FRY: variants seen among roughly 807,000 people sequenced by gnomAD.
The protein encoded by FRY is protein furry homolog.
FRY carries 128 observed loss-of-function variants against 348.4 expected under a neutral mutation model. The ratio of observed to expected loss-of-function variants is 0.37; its 90% confidence interval spans 0.32 to 0.43. The LOEUF (loss-of-function observed/expected upper bound fraction) is 0.43. Among genes scored for constraint, FRY ranks in the 20% least tolerant of loss-of-function variants. The pLI, the probability that FRY is intolerant of heterozygous loss-of-function variation, is 1.00. For missense variants in FRY, 2,736 were observed against 3,695.2 expected (o/e 0.74, Z 6.73); for synonymous variants, 1,370 against 1,374.7 (o/e 1.00, Z 0.08).
chr13:32,186,164 T>C (rs1883015689), intron 26 of FRY, 96 bp from the exon 27 acceptor site: 1 of 946,926 alleles, frequency 1.1e-6, no homozygotes, highest in Non-Finnish European at 1.7e-6. Flanking sequence ...AGTTAAAAAA[T>C]GAAGTGGTTC....
intron 15 of FRY, 100 bp from the exon 16 acceptor site, chr13:32,157,173 C>A (rs1437901170): frequency 8.9e-7 from 1 of 1,117,848 alleles, no homozygotes; most frequent in Non-Finnish European, 1.4e-6. Flanking sequence ...AAGTCATTGA[C>A]TCATAAGGTC....
Position 32,202,399 on chromosome 13 carries a change from A to C in FRY, c.3890A>C (p.Glu1297Ala). The change falls in exon 31 of 61, where the codon GAG becomes GCG. Residue 1297 changes from glutamate (E) to alanine (A), a missense_variant. By Grantham distance (107) the Glu-to-Ala change is moderately radical (BLOSUM62 -1). Around this residue, in one of 9 missense-constraint regions of FRY, gnomAD observed 794 missense variants for 977.0 expected, o/e 0.81. Coordinates refer to ENST00000542859, the MANE Select transcript of FRY (RefSeq NM_023037.3). The stretch of plus-strand genomic sequence containing the variant: ...TTTGTATACTCAAAGAAAGTCGCTG[A>C]GCAAAGACCGGGAAGTATTCTCTAT... ...KLFVYSKKVA[E>A]QRPGSILYGT... is the part of the protein sequence containing the mutation. 1 of 1,614,092 alleles carries C rather than the reference A, an allele frequency of 6.2e-7. No homozygotes were observed. Among genetic ancestry groups the C allele is most frequent in the Non-Finnish European group, 8.5e-7 (1 of 1,179,998 alleles).
At chr13:32,182,847 C>G (rs1021890222) in intron 23 of FRY, 130 bp from the exon 24 acceptor site, 2 of 664,816 alleles carry the variant, frequency 3.0e-6, no homozygotes, top group African/African-American at 3.6e-5. Flanking sequence ...ATGGAGAGAT[C>G]AGGGAGATTG....
intron 1 of FRY, among the ~76,000 whole-genome samples, chr13:32,066,387 A>G (rs1222846144): frequency 2.0e-5 from 3 of 152,180 alleles, no homozygotes; most frequent in Non-Finnish European, 4.4e-5. Flanking sequence ...TTATACTCCA[A>G]AGTCATTTCT....
At chr13:32,258,995 A>G (rs548914800) in intron 51 of FRY, among the ~76,000 whole-genome samples, 6 of 152,322 alleles carry the variant, frequency 3.9e-5, no homozygotes, top group Non-Finnish European at 8.8e-5. Flanking sequence ...AGTATTTCTA[A>G]CATTTATAGA....
chr13:32,251,060 A>C (rs1169126259), intron 49 of FRY, among the ~76,000 whole-genome samples: 4 of 152,214 alleles, frequency 2.6e-5, no homozygotes, highest in Non-Finnish European at 5.9e-5. Flanking sequence ...TAAGAAGAAA[A>C]ATCTAAGAGT....
rs747125279 is a variant in FRY, at chr13:32,295,582, T to C, written c.*122T>C. 2.7e-4 allele frequency: 244 copies of C among 914,712 alleles called. No homozygotes were observed. Among genetic ancestry groups the C allele is most frequent in the South Asian group, 3.6e-4 (26 of 72,206 alleles). The allele number at this position is 914,712 out of a possible 1,614,324, so 56.7% of individuals were successfully genotyped here. On this transcript the variant is annotated 3_prime_UTR_variant, in exon 61 of 61. Coordinates refer to ENST00000542859, the MANE Select transcript of FRY (RefSeq NM_023037.3). The stretch of plus-strand genomic sequence containing the variant: ...AGACTGTTCTCCCTCTTGTTACCTG[T>C]AGGGCTTTTTCTAAAGAGGATGGCA...
chr13:32,277,515 C>G (rs959802689), intron 57 of FRY, among the ~76,000 whole-genome samples: 6 of 152,194 alleles, frequency 3.9e-5, no homozygotes, highest in African/African-American at 1.4e-4. Context: ...TAGCTAGGAA[C>G]TGGAAGAGTG....
chr13:32,092,991 G>GT (rs1195390269), intron 2 of FRY, among the ~76,000 whole-genome samples: 2 of 152,074 alleles, frequency 1.3e-5, no homozygotes, highest in Non-Finnish European at 2.9e-5. Context: ...TTGTTTGTTT[G>GT]TTTTTTCTAA....
chr13:32,171,558 C>T (rs147474459), intron 18 of FRY, among the ~76,000 whole-genome samples: 2 of 152,042 alleles, frequency 1.3e-5, no homozygotes, highest in Non-Finnish European at 2.9e-5. Flanking sequence ...GTGATCCTCC[C>T]GTCTCAGCCT....
rs1280981961 is a variant in FRY at position 32,157,263 on chromosome 13, T to C, written c.1652-10T>C. ...CAGTTGAAGGTATAACTATAATGCATGTTTTTCAGGCATGTCCTTATATTA... is the reference window on the plus strand; with the variant it reads ...CAGTTGAAGGTATAACTATAATGCACGTTTTTCAGGCATGTCCTTATATTA... On this transcript the variant is annotated splice_polypyrimidine_tract_variant and intron_variant, in intron 15 of 60. Coordinates refer to ENST00000542859, the MANE Select transcript of FRY (RefSeq NM_023037.3). 2 of 1,609,112 alleles carry C rather than the reference T, an allele frequency of 1.2e-6. No individual in the cohort carries two copies. Among genetic ancestry groups the C allele is most frequent in the African/African-American group, 2.7e-5 (2 of 74,830 alleles).
intron 40 of FRY, among the ~76,000 whole-genome samples, chr13:32,228,946 G>A (rs1885762812): frequency 6.6e-6 from 1 of 152,204 alleles, no homozygotes; most frequent in African/African-American, 2.4e-5. Context: ...GGAGATGGTA[G>A]TGCCCCACAG....
At chr13:32,169,357 C>A (rs920500734) in intron 17 of FRY, among the ~76,000 whole-genome samples, 1 of 152,210 alleles carries the variant, frequency 6.6e-6, no homozygotes, top group African/African-American at 2.4e-5. Flanking sequence ...CTAATAATAG[C>A]TAACGTTACT....
At chr13:32,151,617 C>T (rs1880798806) in intron 14 of FRY, among the ~76,000 whole-genome samples, 1 of 152,230 alleles carries the variant, frequency 6.6e-6, no homozygotes, top group African/African-American at 2.4e-5. Flanking sequence ...CTTTATGCTG[C>T]ACCACCACTC....
Position 32,296,111 on chromosome 13 carries a change from G to A in FRY, c.*651G>A, listed in dbSNP as rs908192184. The A allele has an allele frequency of 6.5e-6, 1 of 152,816 alleles. No individual in the cohort carries two copies. The highest frequency in any genetic ancestry group is 2.4e-5 in the African/African-American group (1 of 41,428). The allele number at this position is 152,816 out of a possible 1,614,324, so 9.5% of individuals were successfully genotyped here. On this transcript the variant is annotated 3_prime_UTR_variant, in exon 61 of 61. Transcript: ENST00000542859. ...TGAAGTACCTTTCTTATGTTGCTAG[G>A]CTACTGTTTCTGAAAGCCCTGGATC... is the stretch of plus-strand genomic sequence containing the variant.
chr13:32,294,940 C>T (rs530977440), intron 60 of FRY, among the ~76,000 whole-genome samples: 11 of 152,092 alleles, frequency 7.2e-5, no homozygotes, highest in Non-Finnish European at 1.2e-4. Flanking sequence ...TTAGGAGTGT[C>T]AGATTCCATT....
chr13:32,035,433 T>C (rs1872460595), intron 1 of FRY, among the ~76,000 whole-genome samples: 1 of 152,218 alleles, frequency 6.6e-6, no homozygotes, highest in Non-Finnish European at 1.5e-5. Context: ...GGGAATTTTC[T>C]TAGTGGCAGA....
chr13:32,069,645 G>T (rs1874493324), intron 1 of FRY, among the ~76,000 whole-genome samples: 1 of 152,206 alleles, frequency 6.6e-6, no homozygotes, highest in Non-Finnish European at 1.5e-5. Flanking sequence ...CAACAACACA[G>T]ATGAACTTTG....
intron 51 of FRY, among the ~76,000 whole-genome samples, chr13:32,260,346 T>G (rs973398661): frequency 6.6e-6 from 1 of 152,232 alleles, no homozygotes; most frequent in Admixed American, 6.5e-5. Flanking sequence ...AGATCATTTG[T>G]TTAGGTTAAA....
Sources: allele counts gnomAD v4.1 joint callset (sites outside exome capture counted in the v4.1 genomes callset), GRCh38; gene constraint gnomAD v4.1.1; regional missense constraint gnomAD v4.1.1; transcripts MANE v1.5; gene names NCBI Gene and HGNC (gene_info 2026-07-23, HGNC 2026-07-21).